Variants in LMBRD2 observed in about 807,000 individuals in gnomAD.
LMBRD2 encodes the protein G protein-coupled receptor-associated protein LMBRD2.
A neutral mutation model predicts 94.4 loss-of-function variants in LMBRD2; 55 were observed. The observed-to-expected ratio is 0.58, with a 90% CI of 0.47 to 0.73. The LOEUF is 0.73. Ranked by LOEUF, LMBRD2 falls within the 30% of genes least tolerant of loss-of-function variation. LMBRD2 has a pLI of 0.00. For synonymous variants in LMBRD2, 246 were observed against 272.4 expected (o/e 0.90, Z 0.95); for missense variants, 640 against 831.9 (o/e 0.77, Z 2.84).
chr5:36,115,480 T>A (rs1743718400), intron 11 of LMBRD2, among the ~76,000 whole-genome samples: 1 of 152,238 alleles, frequency 6.6e-6, no homozygotes, highest in Non-Finnish European at 1.5e-5. Flanking sequence ...GTGAATTGTA[T>A]TCAGTACATA....
intron 6 of LMBRD2, among the ~76,000 whole-genome samples, chr5:36,125,485 A>G (rs976652327): frequency 1.3e-5 from 2 of 152,174 alleles, no homozygotes; most frequent in African/African-American, 4.8e-5. Flanking sequence ...AATATAGAAA[A>G]CAATACAATT....
At position 36,149,907 on chromosome 5, in the gene LMBRD2, C is replaced by CA. The variant is rs560008774; in HGVS notation, c.-58+1648dup. ...GGGCAATAAGAGTGAAATTTCTTCTCAAAAAATAAAAATAAAATTAATCAG... is the reference window on the plus strand; with the variant it reads ...GGGCAATAAGAGTGAAATTTCTTCTCAAAAAAATAAAAATAAAATTAATCAG... On this transcript the variant is annotated intron_variant, in intron 1 of 17. Transcript: ENST00000296603. Among the ~76,000 whole-genome samples, 676 of 152,020 alleles carry CA rather than the reference C, an allele frequency of 4.4e-3. 3 individuals carry two copies. Among genetic ancestry groups the CA allele is most frequent in the African/African-American group, 0.014 (597 of 41,452 alleles).
chr5:36,104,437 A>C (rs1471343272), intron 17 of LMBRD2, among the ~76,000 whole-genome samples: 1 of 152,038 alleles, frequency 6.6e-6, no homozygotes, highest in African/African-American at 2.4e-5. Flanking sequence ...CTAGGTTTTT[A>C]CTGCATATAG....
chr5:36,104,139 C>T (rs368256271), intron 17 of LMBRD2, 33 bp from the exon 18 acceptor site: 83 of 1,531,436 alleles, frequency 5.4e-5, no homozygotes, highest in Non-Finnish European at 3.9e-5. Flanking sequence ...TGATCTGAGG[C>T]ATCAAAAATA....
At chr5:36,144,609 G>A (rs1744494360) in intron 1 of LMBRD2, among the ~76,000 whole-genome samples, 1 of 152,090 alleles carries the variant, frequency 6.6e-6, no homozygotes, top group Admixed American at 6.5e-5. Flanking sequence ...GCTTGAACCT[G>A]GAAGGCAGAG....
intron 15 of LMBRD2, among the ~76,000 whole-genome samples, 174 bp from the exon 16 acceptor site, chr5:36,108,813 G>A (rs890238343): frequency 1.3e-5 from 2 of 151,838 alleles, no homozygotes; most frequent in Non-Finnish European, 2.9e-5. Flanking sequence ...ATGATTTATT[G>A]AAGTCACAGT....
rs1743292505 is a variant in LMBRD2, at chr5:36,098,758, T to C, written c.*5288A>G. 1 of 152,084 alleles carries C rather than the reference T, an allele frequency of 6.6e-6. No homozygotes were observed. The highest frequency in any genetic ancestry group is 6.6e-5 in the Admixed American group (1 of 15,248). The allele number at this position is 152,084 out of a possible 1,614,324, so 9.4% of individuals were successfully genotyped here. A position where few individuals can be genotyped will look rare whatever the true frequency, so the allele number is the denominator to read the frequency against. ...AAGGCCAAAGTTACTAATTTGCTTA[T>C]AGGTAGCACTTTGCAGCTTTTTCCA... On this transcript the variant is annotated 3_prime_UTR_variant, in exon 18 of 18. Transcript: ENST00000296603.
At chr5:36,124,898 CATT>C (rs1743974128) in intron 6 of LMBRD2, among the ~76,000 whole-genome samples, 1 of 151,828 alleles carries the variant, frequency 6.6e-6, no homozygotes, top group Admixed American at 6.6e-5. Context: ...AAAATACAAA[CATT>C]AGCCAGTCTC....
intron 13 of LMBRD2, among the ~76,000 whole-genome samples, chr5:36,113,406 C>T (rs963526168): frequency 2.4e-4 from 36 of 152,120 alleles, no homozygotes; most frequent in African/African-American, 8.2e-4. Flanking sequence ...TGTGAGTCCG[C>T]TGATGCTCCC....
At chr5:36,133,549 C>T (rs934257475) in intron 6 of LMBRD2, among the ~76,000 whole-genome samples, 5 of 151,848 alleles carry the variant, frequency 3.3e-5, no homozygotes, top group Non-Finnish European at 5.9e-5. Context: ...AGAGCATGTA[C>T]GAAAATTTTT....
At chr5:36,122,813 T>C in intron 8 of LMBRD2, 35 bp downstream of exon 8, 1 of 1,563,170 alleles carries the variant, frequency 6.4e-7, no homozygotes, top group South Asian at 1.2e-5. Flanking sequence ...ATTAAAATCA[T>C]CATTAAGTAA....
At chr5:36,142,885 C>T (rs535652723) in intron 2 of LMBRD2, 159 of 374,484 alleles carry the variant, frequency 4.2e-4, no homozygotes, top group African/African-American at 2.9e-3. Context: ...CCACCACGTC[C>T]GGCTATTTTT....
chr5:36,112,305 C>T (rs574667844), intron 13 of LMBRD2, among the ~76,000 whole-genome samples: 3 of 152,098 alleles, frequency 2.0e-5, no homozygotes, highest in South Asian at 4.1e-4. Context: ...TACTATACTC[C>T]GGGATGAGAA....
intron 9 of LMBRD2, among the ~76,000 whole-genome samples, chr5:36,118,689 C>T (rs1412089162): frequency 1.4e-5 from 2 of 146,794 alleles, no homozygotes; most frequent in African/African-American, 5.0e-5. Flanking sequence ...CTCGCTCTGT[C>T]GCCCAGGCTG....
intron 9 of LMBRD2, 57 bp downstream of exon 9, chr5:36,122,223 T>C: frequency 7.8e-7 from 1 of 1,288,062 alleles, no homozygotes; most frequent in Non-Finnish European, 1.1e-6. Flanking sequence ...ATACATAACT[T>C]CTTTCTACAG....
chr5:36,111,813 A>T (rs942034881), intron 13 of LMBRD2, among the ~76,000 whole-genome samples: 7 of 152,232 alleles, frequency 4.6e-5, no homozygotes, highest in Admixed American at 2.6e-4. Context: ...TAATTTACAG[A>T]TGCCTTCTTA....
intron 6 of LMBRD2, among the ~76,000 whole-genome samples, chr5:36,134,848 T>C (rs1400708147): frequency 2.0e-5 from 3 of 152,178 alleles, no homozygotes; most frequent in African/African-American, 7.2e-5. Context: ...TTATCATTTA[T>C]GTTAAGACTT....
In LMBRD2 at chr5:36,150,718, C is replaced by T. The variant is rs1459011921; in HGVS notation, c.-58+838G>A. Among the ~76,000 whole-genome samples, 3 of 152,172 alleles carry T rather than the reference C, an allele frequency of 2.0e-5. No individual in the cohort carries two copies. In the East Asian group the frequency reaches 5.8e-4, roughly 29 times the overall value. On this transcript the variant is annotated intron_variant, in intron 1 of 17. Transcript: ENST00000296603. ...ATTCTGCACCTAGTTCCAATCAAAA[C>T]CAAGTTGTGAACAGATCCCTTCTTT...
intron 6 of LMBRD2, among the ~76,000 whole-genome samples, chr5:36,124,770 C>T (rs143677383): frequency 2.2e-3 from 340 of 152,152 alleles, no homozygotes; most frequent in African/African-American, 7.6e-3. Flanking sequence ...TATCTACTGG[C>T]GGGCGCAGTG....
Sources: gnomAD v4.1 joint callset for allele counts (sites outside exome capture counted in the v4.1 genomes callset) on GRCh38, gnomAD v4.1.1 for gene constraint, MANE v1.5 for transcripts, NCBI Gene and HGNC (gene_info 2026-07-23, HGNC 2026-07-21) for gene names.